PARD3B: variants seen among roughly 807,000 people sequenced by gnomAD.
PARD3B encodes the protein par-3 family cell polarity regulator beta, also known as partitioning defective 3 homolog B.
A neutral mutation model predicts 130.2 loss-of-function variants in PARD3B; 103 were observed. That is an observed-to-expected ratio of 0.79 (90% CI 0.67 to 0.93). The LOEUF (loss-of-function observed/expected upper bound fraction) is 0.93, where lower values mean the gene tolerates loss of function less well. Ranked by LOEUF, PARD3B falls within the 40% of genes least tolerant of loss-of-function variation. The probability of loss-of-function intolerance (pLI) is 0.00; values close to 1 mark genes in which losing one functional copy is unlikely to be tolerated. For synonymous variants in PARD3B, 583 were observed against 553.2 expected, an observed-to-expected ratio of 1.05 and a Z score of -0.76; for missense variants, 1,609 against 1,499.2, an observed-to-expected ratio of 1.07 and a Z score of -1.21.
intron 3 of PARD3B, among the ~76,000 whole-genome samples, chr2:204,970,704 A>G (rs1691628411): frequency 3.3e-5 from 5 of 152,220 alleles, no homozygotes; most frequent in Admixed American, 3.3e-4. Context: ...ATTTAGTTAA[A>G]TTATTTTAGC....
rs202102119 is a variant in PARD3B at position 204,745,982 on chromosome 2, CT to C, written c.222+59711del. 1.2e-3 allele frequency among the ~76,000 whole-genome samples: 172 copies of C among 144,950 alleles called. 4 individuals are homozygous for C. The South Asian group carries it at 0.021, about 18-fold the overall frequency. On this transcript the variant is annotated intron_variant, in intron 2 of 22. Transcript: ENST00000406610. ...CATGTAATATAGCAGGATTTTTTTT[CT>C]TTTTTTTTTTATTATACTTTAAGTT...
intron 15 of PARD3B, among the ~76,000 whole-genome samples, chr2:205,210,328 G>A (rs1273670545): frequency 1.3e-5 from 2 of 151,876 alleles, no homozygotes; most frequent in Non-Finnish European, 2.9e-5. Context: ...TTTTTCTCAA[G>A]TGATTGTACC....
intron 20 of PARD3B, among the ~76,000 whole-genome samples, chr2:205,468,980 T>TC (rs1291951481): frequency 6.6e-6 from 1 of 151,748 alleles, no homozygotes; most frequent in Non-Finnish European, 1.5e-5. Flanking sequence ...TTTTTTTTTT[T>TC]CTTAATGAAG....
intron 18 of PARD3B, among the ~76,000 whole-genome samples, chr2:205,389,380 G>C (rs1178450897): frequency 1.3e-5 from 2 of 151,954 alleles, no homozygotes; most frequent in Non-Finnish European, 2.9e-5. Context: ...ATTACTTTTT[G>C]AGACGGGGTT....
chr2:205,104,350 CA>C (rs1242791930), intron 4 of PARD3B, 75 bp from the exon 5 acceptor site: 1 of 1,075,512 alleles, frequency 9.3e-7, no homozygotes, highest in African/African-American at 1.6e-5. Flanking sequence ...TTTACTCTCC[CA>C]TATTGGGATA....
chr2:205,435,541 G>A lies in PARD3B; in HGVS notation c.2742-4829G>A, dbSNP rs539172747. Among the ~76,000 whole-genome samples, 48 of 151,292 alleles carry A rather than the reference G, an allele frequency of 3.2e-4. 1 individual carries two copies. The highest frequency in any genetic ancestry group is 6.9e-3 in the Middle Eastern group (2 of 288). On this transcript the variant is annotated intron_variant, in intron 19 of 22. Transcript: ENST00000406610. ...TCTCTTTTTTATTTTCTGCTATATG[G>A]TAAAGAGTTTATTTTGTGTATTTCT...
At position 205,172,203 on chromosome 2, in the gene PARD3B, T is replaced by C; in HGVS notation, c.1621-8T>C. On this transcript the variant is annotated splice_region_variant and splice_polypyrimidine_tract_variant and intron_variant, in intron 11 of 22. Transcript: ENST00000406610. ...TGTTGAATATTGTTTTCCTTTCTTC[T>C]GCCTTAGGATGGTCGTCTGCGAATG... is the stretch of plus-strand genomic sequence containing the variant. 6.2e-7 allele frequency: 1 copy of C among 1,612,982 alleles called. No homozygotes were observed. The highest frequency in any genetic ancestry group is 8.5e-7 in the Non-Finnish European group (1 of 1,179,210).
chr2:204,771,055 T>G (rs1167641373), intron 2 of PARD3B, among the ~76,000 whole-genome samples: 1 of 152,044 alleles, frequency 6.6e-6, no homozygotes, highest in Non-Finnish European at 1.5e-5. Flanking sequence ...AGGTAAGAAT[T>G]GTAGATAAGA....
At chr2:205,348,337 C>A (rs972757359) in intron 18 of PARD3B, among the ~76,000 whole-genome samples, 1 of 152,212 alleles carries the variant, frequency 6.6e-6, no homozygotes, top group East Asian at 1.9e-4. Context: ...TTCTCCTCTC[C>A]GTATTCTCAA....
At chr2:204,633,403 A>T (rs2034757860) in intron 1 of PARD3B, among the ~76,000 whole-genome samples, 1 of 152,222 alleles carries the variant, frequency 6.6e-6, no homozygotes, top group African/African-American at 2.4e-5. Context: ...ATGTATCGCT[A>T]AAAGATGAGG....
At position 204,799,853 on chromosome 2, in the gene PARD3B, A is replaced by G. The variant is rs573403115; in HGVS notation, c.222+113571A>G. 6.6e-6 allele frequency among the ~76,000 whole-genome samples: 1 copy of G among 152,264 alleles called. No individual in the cohort carries two copies. The highest frequency in any genetic ancestry group is 2.1e-4 in the South Asian group (1 of 4,816). ...GCAGATATGGCTGCAGTGACTAAAG[A>G]TTTATATCACAGCATCAGTTCCCTT... On this transcript the variant is annotated intron_variant, in intron 2 of 22. Coordinates refer to ENST00000406610, the MANE Select transcript of PARD3B (RefSeq NM_001302769.2). This position sits in a 1 kb window ranked among gnomAD's most constrained non-coding sequence, Gnocchi z 4.1.
intron 3 of PARD3B, among the ~76,000 whole-genome samples, chr2:204,996,844 C>A (rs1487416105): frequency 1.4e-5 from 2 of 147,688 alleles, no homozygotes; most frequent in East Asian, 4.0e-4. Context: ...ACCCGATTTT[C>A]CAGGTGCGTC....
At chr2:205,557,657 G>A (rs1423508412) in intron 22 of PARD3B, among the ~76,000 whole-genome samples, 1 of 152,182 alleles carries the variant, frequency 6.6e-6, no homozygotes, top group Non-Finnish European at 1.5e-5. Context: ...CGGTAATAGT[G>A]CCGGTATGAG....
At chr2:204,583,511 A>T (rs1170238563) in intron 1 of PARD3B, among the ~76,000 whole-genome samples, 6 of 119,548 alleles carry the variant, frequency 5.0e-5, no homozygotes, top group Admixed American at 2.6e-4. Context: ...GCATTGGGAG[A>T]TATACCTAAT....
At position 204,701,562 on chromosome 2, in the gene PARD3B, CTT is replaced by C. The variant is rs2037893162; in HGVS notation, c.222+15286_222+15287del. Reference sequence around the variant, plus strand: ...ATGAAAGGTTTAAAGGCAAATCTAACTTTTTTTAAATCTGAAACTCTATTTTA... The same window carrying C: ...ATGAAAGGTTTAAAGGCAAATCTAACTTTTTAAATCTGAAACTCTATTTTA... On this transcript the variant is annotated intron_variant, in intron 2 of 22. Coordinates refer to ENST00000406610, the MANE Select transcript of PARD3B (RefSeq NM_001302769.2). Among the ~76,000 whole-genome samples, 6 of 152,120 alleles carry C rather than the reference CTT, an allele frequency of 3.9e-5. No homozygotes were observed. In the South Asian group the frequency reaches 1.0e-3, roughly 26 times the overall value.
At chr2:204,597,258 G>GT (rs34142194) in intron 1 of PARD3B, among the ~76,000 whole-genome samples, 8,643 of 147,580 alleles carry the variant, frequency 0.059, 305 homozygotes, top group South Asian at 0.17. Flanking sequence ...GCCGATGCGT[G>GT]TTTTTTTTTT....
rs144668893 is a variant in PARD3B at position 205,597,512 on chromosome 2, G to A, written c.3261-17944G>A. Among the ~76,000 whole-genome samples the A allele has an allele frequency of 3.4e-3, 517 of 152,238 alleles. 3 individuals are homozygous for A. The highest frequency in any genetic ancestry group is 0.012 in the African/African-American group (496 of 41,536). On this transcript the variant is annotated intron_variant, in intron 22 of 22. Coordinates refer to ENST00000406610, the MANE Select transcript of PARD3B (RefSeq NM_001302769.2). Reference sequence around the variant, plus strand: ...AAGAGGTACGTGTGTCTTTTTGGTTGAATGATTTATTTACCTTTGGGTATA... The same window carrying A: ...AAGAGGTACGTGTGTCTTTTTGGTTAAATGATTTATTTACCTTTGGGTATA...
chr2:205,095,862 G>A (rs1443267085), intron 4 of PARD3B, among the ~76,000 whole-genome samples: 1 of 151,936 alleles, frequency 6.6e-6, no homozygotes, highest in African/African-American at 2.4e-5. Flanking sequence ...TCAGAATACT[G>A]AGAAATCTTA....
intron 19 of PARD3B, among the ~76,000 whole-genome samples, chr2:205,402,362 C>T (rs2046281357): frequency 6.6e-6 from 1 of 152,138 alleles, no homozygotes; most frequent in African/African-American, 2.4e-5. Context: ...GATTTTAATG[C>T]ATATATTGGC....
Sources: allele counts gnomAD v4.1 joint callset (sites outside exome capture counted in the v4.1 genomes callset), GRCh38; gene constraint gnomAD v4.1.1; non-coding constraint Gnocchi (gnomAD v3.1); transcripts MANE v1.5; gene names NCBI Gene and HGNC (gene_info 2026-07-23, HGNC 2026-07-21).